ITGA1: variants seen among roughly 807,000 people sequenced by gnomAD.
ITGA1 encodes the protein integrin subunit alpha 1.
In ITGA1, 85 loss-of-function variants were observed where a neutral mutation model predicts 145.9. That is an observed-to-expected ratio of 0.58 (90% CI 0.49 to 0.70). ITGA1 has a LOEUF of 0.70. Among genes scored for constraint, ITGA1 ranks in the 30% least tolerant of loss-of-function variants. ITGA1 has a pLI of 0.00. For missense variants in ITGA1, 1,351 were observed against 1,418.7 expected (o/e 0.95, Z 0.77); for synonymous variants, 520 against 495.3 (o/e 1.05, Z -0.66).
In ITGA1 at chr5:52,801,920, G is replaced by A. The variant is rs1440728816; in HGVS notation, c.61+13506G>A. ...TTTCTCAGCATCCTTGTGACAGAAA[G>A]CTGCAAGAATGGCACTTTTTGATTC... is the stretch of plus-strand genomic sequence containing the variant. On this transcript the variant is annotated intron_variant, in intron 1 of 28. Transcript: ENST00000282588. 3.5e-6 allele frequency: 4 copies of A among 1,131,062 alleles called. No individual in the cohort carries two copies. In the African/African-American group the frequency reaches 6.2e-5, roughly 18 times the overall value. The allele number at this position is 1,131,062 out of a possible 1,614,324, so 70.1% of individuals were successfully genotyped here.
intron 1 of ITGA1, among the ~76,000 whole-genome samples, chr5:52,823,143 G>A (rs1265900105): frequency 6.6e-6 from 1 of 152,140 alleles, no homozygotes; most frequent in Non-Finnish European, 1.5e-5. Flanking sequence ...AAGCCTCGGA[G>A]AGAGATACTC....
Position 52,915,658 on chromosome 5 carries a change from T to C in ITGA1, c.1988+64T>C, listed in dbSNP as rs560043937. Reference sequence around the variant, plus strand: ...GTCACTTGCAGAGCTCCCAGTGTGATTGGAGCTCATGTCATACCAAATATC... The same window carrying C: ...GTCACTTGCAGAGCTCCCAGTGTGACTGGAGCTCATGTCATACCAAATATC... On this transcript the variant is annotated intron_variant, in intron 15 of 28. Coordinates refer to ENST00000282588, the MANE Select transcript of ITGA1 (RefSeq NM_181501.2). 5.1e-6 allele frequency: 8 copies of C among 1,575,246 alleles called. 1 individual carries two copies. In the African/African-American group the frequency reaches 8.1e-5, roughly 16 times the overall value.
Position 52,920,332 on chromosome 5 carries a change from AT to A in ITGA1, c.2159del (p.Leu720CysfsTer7). 6.3e-7 allele frequency: 1 copy of A among 1,580,474 alleles called. No homozygotes were observed. Among genetic ancestry groups the A allele is most frequent in the Non-Finnish European group, 8.6e-7 (1 of 1,167,636 alleles). ...KSKEDTIYEA[D>X]LQYRVTLDSL... ...CAATTATTTTTTAAAATTTTTGTAGATTTGCAGTACCGTGTCACCCTAGATT... is the reference window on the plus strand; with the variant it reads ...CAATTATTTTTTAAAATTTTTGTAGATTGCAGTACCGTGTCACCCTAGATT... On this transcript the variant is annotated frameshift_variant and splice_region_variant, in exon 17 of 29. Coordinates refer to ENST00000282588, the MANE Select transcript of ITGA1 (RefSeq NM_181501.2). LOFTEE classifies it high-confidence loss of function.
At chr5:52,833,396 C>T (rs1749107960) in intron 1 of ITGA1, among the ~76,000 whole-genome samples, 1 of 152,082 alleles carries the variant, frequency 6.6e-6, no homozygotes, top group Non-Finnish European at 1.5e-5. Flanking sequence ...TGTACTTCTT[C>T]TATAACTCTA....
rs188561516 is a variant in ITGA1, at chr5:52,941,672, A to G, written c.3285+1728A>G. On this transcript the variant is annotated intron_variant, in intron 26 of 28. Coordinates refer to ENST00000282588, the MANE Select transcript of ITGA1 (RefSeq NM_181501.2). The stretch of plus-strand genomic sequence containing the variant: ...GTTGTTCAAGTTCCTTATTCTGGAT[A>G]TTAGACCTTTGTCAGATGCATAGTT... Among the ~76,000 whole-genome samples the G allele has an allele frequency of 1.2e-3, 187 of 152,302 alleles. 1 individual carries two copies. Among genetic ancestry groups the G allele is most frequent in the African/African-American group, 4.2e-3 (174 of 41,570 alleles).
At chr5:52,925,965 T>C (rs1750799594) in intron 19 of ITGA1, among the ~76,000 whole-genome samples, 2 of 152,212 alleles carry the variant, frequency 1.3e-5, no homozygotes, top group African/African-American at 4.8e-5. Context: ...GAGGTTTCTT[T>C]TATTACATTG....
intron 6 of ITGA1, among the ~76,000 whole-genome samples, chr5:52,868,922 G>T (rs1271852522): frequency 6.6e-6 from 1 of 152,172 alleles, no homozygotes; most frequent in African/African-American, 2.4e-5. Flanking sequence ...TGTACTAAGG[G>T]CTTACTATGT....
intron 2 of ITGA1, among the ~76,000 whole-genome samples, chr5:52,859,064 G>A (rs1445114141): frequency 6.6e-6 from 1 of 152,070 alleles, no homozygotes; most frequent in Non-Finnish European, 1.5e-5. Context: ...TACACAGAAA[G>A]CACTTAGAAC....
chr5:52,945,587 T>C (rs1445536288), intron 27 of ITGA1, among the ~76,000 whole-genome samples: 3 of 152,178 alleles, frequency 2.0e-5, no homozygotes, highest in Non-Finnish European at 4.4e-5. Flanking sequence ...GTCCTTTTTA[T>C]AAATTAATAA....
rs745812041 is a variant in ITGA1, at chr5:52,864,808, C to G, written c.341C>G (p.Thr114Arg). ...GTCACAGAAGTAAAGGAGAACATGA[C>G]ATTTGGATCAACTTTAGTCACCAAC... The part of the protein sequence containing the change: ...PNVTEVKENM[T>R]FGSTLVTNPN... Residue 114 changes from threonine to arginine, a missense_variant, in exon 4 of 29, where the codon ACA (threonine) becomes AGA (arginine). Transcript: ENST00000282588. 2.1e-5 allele frequency: 34 copies of G among 1,612,562 alleles called. No homozygotes were observed. The highest frequency in any genetic ancestry group is 2.5e-6 in the Non-Finnish European group (3 of 1,178,994).
intron 1 of ITGA1, among the ~76,000 whole-genome samples, chr5:52,796,781 T>C (rs1748350975): frequency 6.6e-6 from 1 of 152,082 alleles, no homozygotes; most frequent in Admixed American, 6.5e-5. Context: ...AAAAGATACA[T>C]GTTTAAATTA....
At chr5:52,864,723 G>A in intron 3 of ITGA1, 40 bp from the exon 4 acceptor site, 1 of 1,304,078 alleles carries the variant, frequency 7.7e-7, no homozygotes, top group South Asian at 1.2e-5. Context: ...TTCACTTTGT[G>A]AAACTTTTCC....
At chr5:52,913,141 G>T (rs1206150813) in intron 14 of ITGA1, among the ~76,000 whole-genome samples, 1 of 151,964 alleles carries the variant, frequency 6.6e-6, no homozygotes. Context: ...TTAAAAAAAA[G>T]AATACTTTGT....
At position 52,825,919 on chromosome 5, in the gene ITGA1, GAAA is replaced by G. The variant is rs33949308; in HGVS notation, c.62-23432_62-23430del. Among the ~76,000 whole-genome samples, 69 of 124,538 alleles carry G rather than the reference GAAA, an allele frequency of 5.5e-4. 1 individual carries two copies. The highest frequency in any genetic ancestry group is 7.3e-4 in the Non-Finnish European group (42 of 57,884). 81.7% of individuals were successfully genotyped at this position (124,538 alleles called of 152,430 possible). A position where few individuals can be genotyped will look rare whatever the true frequency, so the allele number is the denominator to read the frequency against. ...GGTAACAGAGTGAGACTCTGTCAAA[GAAA>G]AAAAAAAAAAAAAGGAAAGAAGTTA... is the stretch of plus-strand genomic sequence containing the variant. On this transcript the variant is annotated intron_variant, in intron 1 of 28. Coordinates refer to ENST00000282588, the MANE Select transcript of ITGA1 (RefSeq NM_181501.2).
At chr5:52,846,296 A>G (rs535425050) in intron 1 of ITGA1, among the ~76,000 whole-genome samples, 1 of 152,240 alleles carries the variant, frequency 6.6e-6, no homozygotes, top group East Asian at 1.9e-4. Flanking sequence ...TCAGCTACTC[A>G]AGAGGCTGAG....
rs1751333870 is a variant in ITGA1, at chr5:52,958,485, C to G, written c.*6034C>G. The G allele has an allele frequency of 6.6e-6, 1 of 152,168 alleles. No homozygotes were observed. The allele number at this position is 152,168 out of a possible 1,614,324, so 9.4% of individuals were successfully genotyped here. On this transcript the variant is annotated 3_prime_UTR_variant, in exon 29 of 29. Transcript: ENST00000282588. ...AAGTAAAAACAATCACTTAATGCAG[C>G]AACATCTCAGACCCTCTTCACTCTA...
At chr5:52,924,395 G>A (rs1212314399) in intron 18 of ITGA1, among the ~76,000 whole-genome samples, 4 of 152,284 alleles carry the variant, frequency 2.6e-5, no homozygotes, top group Non-Finnish European at 4.4e-5. Context: ...TTGGGGAGCA[G>A]AGGGGATGCT....
chr5:52,912,993 A>G (rs578159531), intron 14 of ITGA1, among the ~76,000 whole-genome samples: 61 of 151,826 alleles, frequency 4.0e-4, no homozygotes, highest in Non-Finnish European at 7.4e-4. Context: ...TGATCCGCCC[A>G]CCTCGGCCTC....
At chr5:52,829,505 A>G (rs1231833877) in intron 1 of ITGA1, among the ~76,000 whole-genome samples, 1 of 152,188 alleles carries the variant, frequency 6.6e-6, no homozygotes, top group Non-Finnish European at 1.5e-5. Flanking sequence ...CACCACCATA[A>G]AAGTTAGAAA....
Sources: allele counts gnomAD v4.1 joint callset (sites outside exome capture counted in the v4.1 genomes callset), GRCh38; gene constraint gnomAD v4.1.1; transcripts MANE v1.5; gene names NCBI Gene and HGNC (gene_info 2026-07-23, HGNC 2026-07-21).